NMNAT1: variants seen among roughly 807,000 people sequenced by gnomAD.
The protein encoded by NMNAT1 is nicotinamide/nicotinic acid mononucleotide adenylyltransferase 1.
In NMNAT1, 11 loss-of-function variants were observed where a neutral mutation model predicts 16.7. The ratio of observed to expected loss-of-function variants is 0.66; its 90% confidence interval spans 0.41 to 1.09. The LOEUF is 1.09. Ranked by LOEUF, NMNAT1 falls within the 50% of genes least tolerant of loss-of-function variation. The pLI is 0.00. For missense variants in NMNAT1, 280 were observed against 332.3 expected (o/e 0.84, Z 1.22); for synonymous variants, 110 against 119.8 (o/e 0.92, Z 0.53).
intron 1 of NMNAT1, among the ~76,000 whole-genome samples, chr1:9,948,337 G>A (rs1454536321): frequency 3.3e-5 from 5 of 152,182 alleles, no homozygotes; most frequent in Non-Finnish European, 7.3e-5. Context: ...CACTTTGGGA[G>A]GTTAAGGTGG....
chr1:9,993,840 T>C, the NMNAT1 span, among the ~76,000 whole-genome samples: 1 of 152,126 alleles, frequency 6.6e-6, no homozygotes, highest in Non-Finnish European at 1.5e-5. Context: ...TTACACTTTC[T>C]AGCTTAGCTG....
intron 1 of NMNAT1, among the ~76,000 whole-genome samples, chr1:9,945,433 G>C (rs1321843735): frequency 6.6e-6 from 1 of 152,164 alleles, no homozygotes; most frequent in African/African-American, 2.4e-5. Context: ...GGGTGTAGTG[G>C]CTCACACCTG....
chr1:9,953,234 A>C (rs1431138621), intron 1 of NMNAT1, among the ~76,000 whole-genome samples: 1 of 148,838 alleles, frequency 6.7e-6, no homozygotes, highest in Non-Finnish European at 1.5e-5. Flanking sequence ...CACCCACCTC[A>C]GCCTCCCAAA....
chr1:9,987,381 C>T (rs1207532870), downstream of NMNAT1, among the ~76,000 whole-genome samples: 1 of 152,054 alleles, frequency 6.6e-6, no homozygotes, highest in Non-Finnish European at 1.5e-5. Context: ...TGGCTCACGC[C>T]TGTAATTCCA....
intron 1 of NMNAT1, among the ~76,000 whole-genome samples, chr1:9,958,716 G>A (rs1048523895): frequency 6.6e-6 from 1 of 152,112 alleles, no homozygotes; most frequent in African/African-American, 2.4e-5. Context: ...GGGATTAGAG[G>A]TGTGAGCCAC....
In NMNAT1 at chr1:9,975,663, G is replaced by A; in HGVS notation, c.187G>A (p.Ala63Thr). 6.2e-7 allele frequency: 1 copy of A among 1,614,006 alleles called. No individual in the cohort carries two copies. The highest frequency in any genetic ancestry group is 8.5e-7 in the Non-Finnish European group (1 of 1,179,928). The change falls in exon 3 of 5, where the codon GCC becomes ACC. Residue 63 changes from alanine to threonine, a missense_variant. Physicochemically the swap from Ala to Thr is moderately conservative, Grantham distance 58. Coordinates refer to ENST00000377205, the MANE Select transcript of NMNAT1 (RefSeq NM_022787.4). ...DAYKKKGLIP[A>T]YHRVIMAELA... Reference sequence around the variant, plus strand: ...CTACAAGAAGAAAGGACTCATTCCTGCCTATCACCGGGTCATCATGGCAGA... The same window carrying A: ...CTACAAGAAGAAAGGACTCATTCCTACCTATCACCGGGTCATCATGGCAGA...
At chr1:9,960,316 C>G (rs1047002873) in intron 1 of NMNAT1, among the ~76,000 whole-genome samples, 1 of 151,844 alleles carries the variant, frequency 6.6e-6, no homozygotes, top group African/African-American at 2.4e-5. Context: ...CAAAAAAACC[C>G]TGGCTTAATG....
At chr1:9,943,088 A>C (rs979048791), upstream of NMNAT1, 3 of 215,712 alleles carry the variant, frequency 1.4e-5, no homozygotes, top group African/African-American at 6.7e-5. Flanking sequence ...AACCAACAGG[A>C]CTGGGTGAAG....
chr1:9,972,451 GC>G, intron 2 of NMNAT1: 1 of 252,368 alleles, frequency 4.0e-6, no homozygotes, highest in Non-Finnish European at 7.6e-6. Flanking sequence ...AGCTGAGATT[GC>G]TGCACTGCAC....
intron 1 of NMNAT1, among the ~76,000 whole-genome samples, chr1:9,953,886 A>G (rs566915376): frequency 1.6e-3 from 200 of 129,010 alleles, no homozygotes; most frequent in Non-Finnish European, 2.7e-3. Flanking sequence ...GCTCACTGCA[A>G]CCTCCGCCTC....
intron 1 of NMNAT1, among the ~76,000 whole-genome samples, chr1:9,947,090 T>A (rs916766224): frequency 1.3e-5 from 2 of 152,180 alleles, no homozygotes; most frequent in African/African-American, 4.8e-5. Context: ...CTTGCCTACT[T>A]ATTGTCACCA....
At chr1:9,970,830 A>G (rs1570702928) in intron 1 of NMNAT1, among the ~76,000 whole-genome samples, 1 of 152,190 alleles carries the variant, frequency 6.6e-6, no homozygotes, top group East Asian at 1.9e-4. Context: ...GTGGAAAGTT[A>G]TGATGTTACT....
chr1:9,972,324 C>T (rs1641708660), intron 2 of NMNAT1, 136 bp downstream of exon 2: 1 of 615,650 alleles, frequency 1.6e-6, no homozygotes, highest in South Asian at 1.9e-5. Context: ...TCCTAGCCAA[C>T]ATGGTAAAAC....
Position 9,972,022 on chromosome 1 carries a change from C to T in NMNAT1, c.-52C>T, listed in dbSNP as rs1207983144. ...TATTTTCTTTTTCCTTTGTAGACAA[C>T]AAGGGAGGTGTCACAGTTTTCCATT... is the stretch of plus-strand genomic sequence containing the variant. On this transcript the variant is annotated 5_prime_UTR_variant, in exon 2 of 5. Transcript: ENST00000377205. 2 of 919,682 alleles carry T rather than the reference C, an allele frequency of 2.2e-6. No homozygotes were observed. The highest frequency in any genetic ancestry group is 1.6e-5 in the African/African-American group (1 of 61,012). 57.0% of individuals were successfully genotyped at this position (919,682 alleles called of 1,614,324 possible).
chr1:9,993,199 C>G, the NMNAT1 span, among the ~76,000 whole-genome samples: 5 of 151,992 alleles, frequency 3.3e-5, no homozygotes, highest in Non-Finnish European at 7.4e-5. Flanking sequence ...ACAGGACAGG[C>G]CAGGAGCGGT....
chr1:9,996,802 C>T, the NMNAT1 span, among the ~76,000 whole-genome samples: 1 of 152,182 alleles, frequency 6.6e-6, no homozygotes, highest in African/African-American at 2.4e-5. Context: ...GTGCGAATCA[C>T]TGTGATTCCT....
At chr1:9,961,172 C>T (rs564370342) in intron 1 of NMNAT1, among the ~76,000 whole-genome samples, 1 of 152,282 alleles carries the variant, frequency 6.6e-6, no homozygotes, top group Admixed American at 6.6e-5. Flanking sequence ...TCCAGCCCTT[C>T]CACATCCCTT....
At chr1:9,994,255 C>T in the NMNAT1 span, among the ~76,000 whole-genome samples, 10 of 148,628 alleles carry the variant, frequency 6.7e-5, no homozygotes, top group African/African-American at 2.2e-4. Flanking sequence ...AGACTACAGA[C>T]GTGTGCCACC....
intron 3 of NMNAT1, among the ~76,000 whole-genome samples, chr1:9,977,859 AAAC>A (rs760647398): frequency 1.3e-5 from 2 of 152,006 alleles, no homozygotes; most frequent in Non-Finnish European, 2.9e-5. Context: ...CTGTCTCAAA[AAAC>A]AACAACAAAA....
Sources: gnomAD v4.1 joint callset for allele counts (sites outside exome capture counted in the v4.1 genomes callset) on GRCh38, gnomAD v4.1.1 for gene constraint, MANE v1.5 for transcripts, NCBI Gene and HGNC (gene_info 2026-07-23, HGNC 2026-07-21) for gene names.